The following FBXL2 variants were observed in gnomAD, a reference collection of about 807,000 sequenced individuals.
FBXL2 encodes F-box and leucine rich repeat protein 2.
Under a neutral mutation model 69.2 loss-of-function variants are expected in FBXL2, and 38 were observed. That is an observed-to-expected ratio of 0.55 (90% CI 0.42 to 0.72). The LOEUF is 0.72. FBXL2 is among the 30% of genes least tolerant of loss of function. The probability of loss-of-function intolerance (pLI) is 0.00; values close to 1 mark genes in which losing one functional copy is unlikely to be tolerated. For missense variants in FBXL2, 354 were observed against 520.3 expected, an observed-to-expected ratio of 0.68 and a Z score of 3.11; for synonymous variants, 192 against 201.3, an observed-to-expected ratio of 0.95 and a Z score of 0.39.
chr3:33,414,975 A>C, the FBXL2 span, among the ~76,000 whole-genome samples: 17 of 85,966 alleles, frequency 2.0e-4, no homozygotes, highest in Non-Finnish European at 2.7e-4. Flanking sequence ...ATTACGTCAT[A>C]ATGAGGTGTC....
chr3:33,410,862 A>G, the FBXL2 span, among the ~76,000 whole-genome samples: 2 of 152,098 alleles, frequency 1.3e-5, no homozygotes, highest in Non-Finnish European at 2.9e-5. Flanking sequence ...ACTTGAGGTC[A>G]GGAGCTCAAG....
At chr3:33,301,857 A>G (rs1015059202) in intron 2 of FBXL2, among the ~76,000 whole-genome samples, 3 of 152,122 alleles carry the variant, frequency 2.0e-5, no homozygotes, top group African/African-American at 7.2e-5. Context: ...TGTCCATATT[A>G]CTGTTGGAAT....
the FBXL2 span, among the ~76,000 whole-genome samples, chr3:33,416,265 G>A: frequency 6.6e-6 from 1 of 152,174 alleles, no homozygotes; most frequent in Non-Finnish European, 1.5e-5. Flanking sequence ...GCTAGGAGGG[G>A]CCAGGGGGCA....
chr3:33,311,646 CAG>C (rs1168341996), intron 2 of FBXL2, among the ~76,000 whole-genome samples: 4 of 151,594 alleles, frequency 2.6e-5, no homozygotes, highest in African/African-American at 9.7e-5. Context: ...TTTTTTGAGA[CAG>C]AGTCTTGCTC....
At chr3:33,280,675 T>C (rs2033878819) in intron 1 of FBXL2, among the ~76,000 whole-genome samples, 1 of 139,230 alleles carries the variant, frequency 7.2e-6, no homozygotes, top group Non-Finnish European at 1.5e-5. Context: ...TTCACACCAC[T>C]GCCCTCCAGT....
At chr3:33,407,161 C>G (rs941975532), downstream of FBXL2, among the ~76,000 whole-genome samples, 2 of 152,134 alleles carry the variant, frequency 1.3e-5, no homozygotes, top group Admixed American at 6.6e-5. Context: ...CTAAAAGCAT[C>G]TGAACAAAAT....
At chr3:33,285,296 C>T (rs368443075) in intron 1 of FBXL2, among the ~76,000 whole-genome samples, 1 of 152,118 alleles carries the variant, frequency 6.6e-6, no homozygotes, top group Non-Finnish European at 1.5e-5. Flanking sequence ...TCCTTCACTT[C>T]TGAAGCTTAG....
At chr3:33,398,134 T>C (rs905359487) in intron 12 of FBXL2, 1 of 152,228 alleles carries the variant, frequency 6.6e-6, no homozygotes, top group Non-Finnish European at 1.5e-5. Flanking sequence ...TAATCTTTTG[T>C]TTTATTCTCT....
Position 33,385,677 on chromosome 3 carries a change from G to A in FBXL2, c.*69G>A, listed in dbSNP as rs1007415504. ...CTAGAAGACCTGAGTCTTCCTGACC[G>A]ACTCCACCATCACCCAATCTGTTGA... On this transcript the variant is annotated 3_prime_UTR_variant, in exon 15 of 15. Coordinates refer to ENST00000484457, the MANE Select transcript of FBXL2 (RefSeq NM_012157.5). 1.4e-5 allele frequency: 17 copies of A among 1,216,946 alleles called. No individual in the cohort carries two copies. Among genetic ancestry groups the A allele is most frequent in the East Asian group, 4.6e-5 (2 of 43,024 alleles). The allele number at this position is 1,216,946 out of a possible 1,614,324, so 75.4% of individuals were successfully genotyped here. A position where few individuals can be genotyped will look rare whatever the true frequency, so the allele number is the denominator to read the frequency against.
At chr3:33,360,267 T>C (rs949215683) in intron 4 of FBXL2, among the ~76,000 whole-genome samples, 1 of 152,186 alleles carries the variant, frequency 6.6e-6, no homozygotes, top group South Asian at 2.1e-4. Flanking sequence ...AACAGTAGGA[T>C]TGAGCTAAGC....
intron 2 of FBXL2, among the ~76,000 whole-genome samples, chr3:33,340,535 A>T (rs1253462289): frequency 6.6e-6 from 1 of 150,654 alleles, no homozygotes. Context: ...TCAGGAACCA[A>T]CATGAAGAGC....
chr3:33,404,403 T>C (rs2044358327), downstream of FBXL2, among the ~76,000 whole-genome samples: 1 of 151,026 alleles, frequency 6.6e-6, no homozygotes, highest in Non-Finnish European at 1.5e-5. Flanking sequence ...CAGAGCGAGA[T>C]TCCATCTCAA....
chr3:33,382,452 T>C lies in FBXL2; in HGVS notation c.952-1537T>C, dbSNP rs375890354. The C allele has an allele frequency of 5.5e-4, 84 of 152,314 alleles. 1 individual carries two copies. The highest frequency in any genetic ancestry group is 1.9e-3 in the African/African-American group (80 of 41,566). 9.4% of individuals were successfully genotyped at this position (152,314 alleles called of 1,614,324 possible). The stretch of plus-strand genomic sequence containing the variant: ...AATAGTATATATTAGTTTTGCCTCT[T>C]TGTATTTTATTTAAATGATATGAAT... On this transcript the variant is annotated intron_variant, in intron 13 of 14. Transcript: ENST00000484457.
At chr3:33,351,883 C>G (rs939015325) in intron 2 of FBXL2, among the ~76,000 whole-genome samples, 1 of 150,156 alleles carries the variant, frequency 6.7e-6, no homozygotes, top group Admixed American at 6.7e-5. Context: ...CCCAGCAACA[C>G]AGGAGGCTGA....
chr3:33,377,390 G>A (rs2042711007), intron 11 of FBXL2, 57 bp downstream of exon 11: 3 of 1,552,198 alleles, frequency 1.9e-6, no homozygotes, highest in South Asian at 2.2e-5. Flanking sequence ...CGAATTCAAA[G>A]TGACTTGGAG....
intron 11 of FBXL2, among the ~76,000 whole-genome samples, chr3:33,377,534 T>G (rs1485071551): frequency 6.6e-6 from 1 of 152,002 alleles, no homozygotes; most frequent in Non-Finnish European, 1.5e-5. Context: ...CTGTAAAGAG[T>G]CTGAGCCTCA....
intron 2 of FBXL2, among the ~76,000 whole-genome samples, chr3:33,354,843 G>A (rs904188479): frequency 6.6e-6 from 1 of 152,224 alleles, no homozygotes; most frequent in Non-Finnish European, 1.5e-5. Flanking sequence ...GATATTTTAT[G>A]TGGAAAATCA....
intron 2 of FBXL2, among the ~76,000 whole-genome samples, chr3:33,356,347 G>GTTTT (rs2041197978): frequency 1.3e-5 from 2 of 150,098 alleles, no homozygotes; most frequent in Admixed American, 6.6e-5. Flanking sequence ...TGCTCGAGTT[G>GTTTT]GTTTGTTTTG....
At chr3:33,311,885 A>G (rs2037236377) in intron 2 of FBXL2, among the ~76,000 whole-genome samples, 1 of 152,066 alleles carries the variant, frequency 6.6e-6, no homozygotes, top group African/African-American at 2.4e-5. Context: ...GGCCTCCCAA[A>G]GTGCTGGGAT....
Sources: gnomAD v4.1 joint callset for allele counts (sites outside exome capture counted in the v4.1 genomes callset) on GRCh38, gnomAD v4.1.1 for gene constraint, MANE v1.5 for transcripts, NCBI Gene and HGNC (gene_info 2026-07-23, HGNC 2026-07-21) for gene names.